UACA: variants seen among roughly 807,000 people sequenced by gnomAD.
The protein encoded by UACA is uveal autoantigen with coiled-coil domains and ankyrin repeats.
Under a neutral mutation model 160.5 loss-of-function variants are expected in UACA, and 112 were observed. That is an observed-to-expected ratio of 0.70 (90% confidence interval 0.60 to 0.82). The LOEUF (loss-of-function observed/expected upper bound fraction) is 0.82. UACA is among the 40% of genes least tolerant of loss of function. The probability of loss-of-function intolerance (pLI) is 0.00; values close to 1 mark genes in which losing one functional copy is unlikely to be tolerated. For synonymous variants in UACA, 557 were observed against 568.4 expected (o/e 0.98, Z 0.29); for missense variants, 1,574 against 1,614.6 (o/e 0.97, Z 0.43).
intron 15 of UACA, among the ~76,000 whole-genome samples, chr15:70,670,358 G>A (rs1897094228): frequency 6.6e-6 from 1 of 152,140 alleles, no homozygotes; most frequent in Admixed American, 6.5e-5. Flanking sequence ...AAGAATCAAG[G>A]GAGGAGAAAT....
chr15:70,724,509 A>G (rs1409567743), intron 1 of UACA, among the ~76,000 whole-genome samples: 2 of 152,158 alleles, frequency 1.3e-5, no homozygotes, highest in Non-Finnish European at 2.9e-5. Flanking sequence ...TGTAGCAAAT[A>G]TCTAACTGAA....
At chr15:70,737,875 C>CT (rs1011813918) in intron 1 of UACA, among the ~76,000 whole-genome samples, 1 of 152,172 alleles carries the variant, frequency 6.6e-6, no homozygotes, top group African/African-American at 2.4e-5. Flanking sequence ...AGCCACAGTA[C>CT]TTACACAGAC....
At chr15:70,755,925 C>G (rs951316897) in intron 1 of UACA, among the ~76,000 whole-genome samples, 16 of 152,096 alleles carry the variant, frequency 1.1e-4, no homozygotes, top group African/African-American at 3.9e-4. Flanking sequence ...CTTTCTGGCC[C>G]AAGCTCACAC....
chr15:70,763,089 T>G (rs956363591), intron 1 of UACA, among the ~76,000 whole-genome samples: 2 of 152,020 alleles, frequency 1.3e-5, no homozygotes, highest in Non-Finnish European at 2.9e-5. Flanking sequence ...CTTCCAGAAG[T>G]TCGGAGGCTT....
intron 1 of UACA, among the ~76,000 whole-genome samples, chr15:70,744,248 C>CAAAAAAAAAAAAAAAA (rs5813608): frequency 1.5e-5 from 1 of 64,732 alleles, no homozygotes; most frequent in African/African-American, 4.7e-5. Context: ...GACTCTGTCT[C>CAAAAAAAAAAAAAAAA]AAAAAAAAAA....
At position 70,717,722 on chromosome 15, in the gene UACA, T is replaced by C. The variant is rs575547654; in HGVS notation, c.79-18062A>G. On this transcript the variant is annotated intron_variant, in intron 1 of 18. Coordinates refer to ENST00000322954, the MANE Select transcript of UACA (RefSeq NM_018003.4). ...GCACAATGTATATGTGATGGTTAAA[T>C]TTTGTGTCAGTTTGGTTCTGCTATG... Among the ~76,000 whole-genome samples the C allele has an allele frequency of 6.0e-4, 91 of 152,316 alleles. 1 individual carries two copies. The highest frequency in any genetic ancestry group is 3.4e-3 in the Middle Eastern group (1 of 294).
At chr15:70,657,157 T>C (rs2140874535) in intron 18 of UACA, 30 bp from the exon 19 acceptor site, 1 of 1,559,586 alleles carries the variant, frequency 6.4e-7, no homozygotes, top group Non-Finnish European at 8.8e-7. Context: ...AGGAGCATTA[T>C]TTTATGTCAT....
intron 1 of UACA, among the ~76,000 whole-genome samples, chr15:70,743,665 T>C (rs1899606120): frequency 6.6e-6 from 1 of 152,208 alleles, no homozygotes. Context: ...TTTCCTAGTT[T>C]AAAATAAAAA....
intron 1 of UACA, among the ~76,000 whole-genome samples, chr15:70,719,526 C>A (rs1294545062): frequency 6.6e-6 from 1 of 152,182 alleles, no homozygotes; most frequent in East Asian, 1.9e-4. Context: ...TAGCTACTGG[C>A]ACATGGCTCT....
At position 70,668,180 on chromosome 15, in the gene UACA, C is replaced by G. The variant is rs772473505; in HGVS notation, c.2504G>C (p.Gly835Ala). ...KQLSELKKKCGEDQEKIHALT... is the reference protein window; with the variant it reads ...KQLSELKKKCAEDQEKIHALT... ...AGCGTGTATTTTCTCCTGGTCTTCA[C>G]CACATTTTTTCTTAAGTTCAGACAG... Residue 835 changes from glycine to alanine, a missense_variant, in exon 16 of 19, where the codon GGT becomes GCT. Physicochemically the swap from Gly to Ala is moderately conservative, Grantham distance 60. Coordinates refer to ENST00000322954, the MANE Select transcript of UACA (RefSeq NM_018003.4). The G allele has an allele frequency of 6.2e-7, 1 of 1,611,330 alleles. No individual in the cohort carries two copies. The highest frequency in any genetic ancestry group is 8.5e-7 in the Non-Finnish European group (1 of 1,179,458).
In UACA at chr15:70,668,004, T is replaced by G; in HGVS notation, c.2680A>C (p.Asn894His). The change falls in exon 16 of 19, where the codon AAT (asparagine) becomes CAT (histidine). Residue 894 changes from asparagine to histidine, a missense_variant. Asn to His is a moderately conservative substitution (Grantham distance 68). Coordinates refer to ENST00000322954, the MANE Select transcript of UACA (RefSeq NM_018003.4). ...TCTTTTATTTTTACAAATTCCTGAT[T>G]TATATCTTCAAATTTTTTCTTCACA... ...LDVKKKFEDI[N>H]QEFVKIKDKN... 1 of 1,602,472 alleles carries G rather than the reference T, an allele frequency of 6.2e-7. No individual in the cohort carries two copies. The highest frequency in any genetic ancestry group is 8.5e-7 in the Non-Finnish European group (1 of 1,175,106).
intron 17 of UACA, 178 bp from the exon 18 acceptor site, chr15:70,660,394 C>T (rs966803465): frequency 3.8e-6 from 2 of 532,498 alleles, no homozygotes; most frequent in Non-Finnish European, 6.7e-6. Context: ...ACAATATAAA[C>T]TTCTGTAAAG....
intron 1 of UACA, among the ~76,000 whole-genome samples, chr15:70,750,884 G>C (rs2030011199): frequency 6.6e-6 from 1 of 152,184 alleles, no homozygotes; most frequent in Non-Finnish European, 1.5e-5. Flanking sequence ...AGAAGAGTAG[G>C]TGGAAAGCAG....
chr15:70,679,961 G>T (rs1039477096), intron 9 of UACA: 4 of 162,882 alleles, frequency 2.5e-5, no homozygotes, highest in Non-Finnish European at 3.9e-5. Flanking sequence ...ATTTTAAAAA[G>T]AATTTGTAAT....
chr15:70,729,662 A>C (rs1310148170), intron 1 of UACA, among the ~76,000 whole-genome samples: 1 of 141,700 alleles, frequency 7.1e-6, no homozygotes, highest in Non-Finnish European at 1.5e-5. Flanking sequence ...TGGAGGGAGG[A>C]GCCAAGATGG....
intron 17 of UACA, among the ~76,000 whole-genome samples, chr15:70,662,773 A>G (rs1896758083): frequency 6.6e-6 from 1 of 152,258 alleles, no homozygotes; most frequent in South Asian, 2.1e-4. Context: ...ACCATTCCCT[A>G]TTTAATAAAT....
intron 17 of UACA, chr15:70,660,882 A>G (rs1463090852): frequency 6.6e-6 from 1 of 152,176 alleles, no homozygotes; most frequent in African/African-American, 2.4e-5. Flanking sequence ...TTATGTTGTT[A>G]TTAATCTCTT....
chr15:70,684,142 C>T, intron 8 of UACA, 123 bp downstream of exon 8: 5 of 803,546 alleles, frequency 6.2e-6, no homozygotes, highest in Non-Finnish European at 9.6e-6. Flanking sequence ...GGGAGATGAA[C>T]CAATACTGTT....
chr15:70,736,646 G>A (rs1295107286), intron 1 of UACA, among the ~76,000 whole-genome samples: 1 of 152,026 alleles, frequency 6.6e-6, no homozygotes, highest in East Asian at 1.9e-4. Context: ...TCACCATGTT[G>A]GCCAGGCTGG....
Sources: gnomAD v4.1 joint callset for allele counts (sites outside exome capture counted in the v4.1 genomes callset) on GRCh38, gnomAD v4.1.1 for gene constraint, MANE v1.5 for transcripts, NCBI Gene and HGNC (gene_info 2026-07-23, HGNC 2026-07-21) for gene names.